Variants in LRCH3 observed in about 807,000 individuals in gnomAD.
LRCH3 encodes DISP complex protein LRCH3.
In LRCH3, 68 loss-of-function variants were observed where a neutral mutation model predicts 104.5. That is an observed-to-expected ratio of 0.65 (90% CI 0.54 to 0.80). The LOEUF (loss-of-function observed/expected upper bound fraction) is 0.80, where lower values mean the gene tolerates loss of function less well. Among genes scored for constraint, LRCH3 ranks in the 30% least tolerant of loss-of-function variants. The pLI, the probability that LRCH3 is intolerant of heterozygous loss-of-function variation, is 0.00. For synonymous variants in LRCH3, 344 were observed against 361.3 expected (o/e 0.95, Z 0.54); for missense variants, 951 against 953.9 (o/e 1.00, Z 0.04).
intron 3 of LRCH3, among the ~76,000 whole-genome samples, chr3:197,818,027 T>C (rs1580628841): frequency 6.6e-6 from 1 of 152,294 alleles, no homozygotes; most frequent in South Asian, 2.1e-4. Flanking sequence ...TTCACCGTGT[T>C]AGCCAGGATA....
intron 19 of LRCH3, 145 bp downstream of exon 19, chr3:197,871,607 C>T (rs1005948432): frequency 2.0e-5 from 22 of 1,089,612 alleles, no homozygotes; most frequent in Admixed American, 1.9e-4. Flanking sequence ...CACTTCTACT[C>T]GAGAAGAAAT....
At chr3:197,837,729 A>G (rs1480233994) in intron 9 of LRCH3, among the ~76,000 whole-genome samples, 1 of 151,974 alleles carries the variant, frequency 6.6e-6, no homozygotes, top group Non-Finnish European at 1.5e-5. Flanking sequence ...TCTTAGAATA[A>G]TTTTAGATAA....
chr3:197,791,304 T>C lies in LRCH3; in HGVS notation c.26T>C (p.Val9Ala). The C allele has an allele frequency of 1.2e-6, 2 of 1,608,706 alleles. No homozygotes were observed. Reference protein sequence around the residue: MAAAGLVAVAAAAEYSGTV... With the variant: MAAAGLVAAAAAAEYSGTV... Reference sequence around the variant, plus strand: ...ATGGCGGCCGCGGGCTTGGTCGCTGTGGCAGCGGCTGCCGAGTACTCTGGC... The same window carrying C: ...ATGGCGGCCGCGGGCTTGGTCGCTGCGGCAGCGGCTGCCGAGTACTCTGGC... Residue 9 changes from valine (V) to alanine (A), a missense_variant, in exon 1 of 21, where the codon GTG becomes GCG. Coordinates refer to ENST00000425562, the MANE Select transcript of LRCH3 (RefSeq NM_001365715.1).
At chr3:197,848,766 G>C (rs1490724858) in intron 12 of LRCH3, among the ~76,000 whole-genome samples, 1 of 152,106 alleles carries the variant, frequency 6.6e-6, no homozygotes. Flanking sequence ...AATTTTTCTT[G>C]TCCACTAAAG....
intron 4 of LRCH3, among the ~76,000 whole-genome samples, chr3:197,822,329 C>A (rs9812851): frequency 0.01 from 1,582 of 152,152 alleles, 14 homozygotes; most frequent in African/African-American, 0.036. Context: ...CCAAATTTCT[C>A]CCTAGGGTTA....
rs187129701 is a variant in LRCH3, at chr3:197,832,000, G to A, written c.982-197G>A. ...TGGAATCCTGTCTCATTGCAGCCTCGAACTCCTGGGCTGAAGCGATCGTCT... is the reference window on the plus strand; with the variant it reads ...TGGAATCCTGTCTCATTGCAGCCTCAAACTCCTGGGCTGAAGCGATCGTCT... On this transcript the variant is annotated intron_variant, in intron 7 of 20. Transcript: ENST00000425562. Among the ~76,000 whole-genome samples the A allele has an allele frequency of 1.3e-3, 203 of 152,132 alleles. 1 individual carries two copies. Among genetic ancestry groups the A allele is most frequent in the African/African-American group, 4.5e-3 (186 of 41,498 alleles).
chr3:197,810,372 C>T lies in LRCH3; in HGVS notation c.263-4536C>T, dbSNP rs533139898. Among the ~76,000 whole-genome samples, 3 of 152,134 alleles carry T rather than the reference C, an allele frequency of 2.0e-5. No individual in the cohort carries two copies. The highest frequency in any genetic ancestry group is 1.9e-4 in the East Asian group (1 of 5,172). On this transcript the variant is annotated intron_variant, in intron 1 of 20. Transcript: ENST00000425562. This position sits in a 1 kb window ranked among gnomAD's most constrained non-coding sequence, Gnocchi z 4.0. ...TTCACCATGTTGGCCAGGCTGGTCT[C>T]GAACTGCTGACCTTAGGTGATTCAC...
chr3:197,831,275 G>A (rs1029379521), intron 7 of LRCH3: 1 of 153,656 alleles, frequency 6.5e-6, no homozygotes, highest in African/African-American at 2.4e-5. Flanking sequence ...TAACTTCCTG[G>A]CTAATTCTGT....
rs1378193831 is a variant in LRCH3 at position 197,795,683 on chromosome 3, G to GT, written c.262+4145dup. Among the ~76,000 whole-genome samples the GT allele has an allele frequency of 7.7e-3, 712 of 92,038 alleles. 17 individuals are homozygous for GT. The highest frequency in any genetic ancestry group is 0.023 in the African/African-American group (511 of 22,162). The allele number at this position is 92,038 out of a possible 152,430, so 60.4% of individuals were successfully genotyped here. A position where few individuals can be genotyped will look rare whatever the true frequency, so the allele number is the denominator to read the frequency against. The stretch of plus-strand genomic sequence containing the variant: ...TCTGCTTAAGGTGAGTAAAAAAGTT[G>GT]TTGTTTTTTTTTTTTTTTTTTTTTT... On this transcript the variant is annotated intron_variant, in intron 1 of 20. Transcript: ENST00000425562.
chr3:197,870,137 C>G, intron 17 of LRCH3, 23 bp from the exon 18 acceptor site: 1 of 1,608,044 alleles, frequency 6.2e-7, no homozygotes, highest in Non-Finnish European at 8.5e-7. Flanking sequence ...GCCTTTCTGT[C>G]TTACATATTA....
intron 5 of LRCH3, among the ~76,000 whole-genome samples, chr3:197,828,441 G>A (rs564457864): frequency 2.0e-5 from 3 of 151,966 alleles, no homozygotes; most frequent in Non-Finnish European, 1.5e-5. Flanking sequence ...CGCCTCCCGG[G>A]TTCACACTAT....
rs565340497 is a variant in LRCH3 at position 197,832,137 on chromosome 3, C to T, written c.982-60C>T. ...TTGGTCTCCCAAAGCGCATGGATTACAGGCATGATCTGCCAGGCTCTAAAA... is the reference window on the plus strand; with the variant it reads ...TTGGTCTCCCAAAGCGCATGGATTATAGGCATGATCTGCCAGGCTCTAAAA... On this transcript the variant is annotated intron_variant, in intron 7 of 20. Coordinates refer to ENST00000425562, the MANE Select transcript of LRCH3 (RefSeq NM_001365715.1). The T allele has an allele frequency of 5.0e-5, 78 of 1,549,064 alleles. 1 individual carries two copies. The highest frequency in any genetic ancestry group is 1.9e-4 in the African/African-American group (14 of 73,150).
chr3:197,852,558 CAGCAAAA>C lies in LRCH3; in HGVS notation c.1533_1539del (p.Gln511HisfsTer12). On this transcript the variant is annotated splice_acceptor_variant and coding_sequence_variant, in exon 13 of 21. Transcript: ENST00000425562. LOFTEE classifies it high-confidence loss of function. ...TTTTTTGGGGGGTTTTGGGATTATACAGCAAAAAGCATCACAAAGTCCACAAAAACAG... is the reference window on the plus strand; with the variant it reads ...TTTTTTGGGGGGTTTTGGGATTATACAGCATCACAAAGTCCACAAAAACAG... 6.2e-7 allele frequency: 1 copy of C among 1,613,912 alleles called. No individual in the cohort carries two copies. Among genetic ancestry groups the C allele is most frequent in the East Asian group, 2.2e-5 (1 of 44,870 alleles).
intron 19 of LRCH3, among the ~76,000 whole-genome samples, chr3:197,872,578 T>C (rs781378169): frequency 1.3e-5 from 2 of 152,000 alleles, no homozygotes; most frequent in Non-Finnish European, 2.9e-5. Flanking sequence ...GAAAAGAGAC[T>C]GGGTGCACTG....
chr3:197,861,886 G>GATT (rs1740927856), intron 15 of LRCH3, among the ~76,000 whole-genome samples: 1 of 152,104 alleles, frequency 6.6e-6, no homozygotes. Context: ...AAGTCACTTA[G>GATT]ATTTATAGCT....
At chr3:197,798,748 T>C (rs1001597590) in intron 1 of LRCH3, among the ~76,000 whole-genome samples, 2 of 152,232 alleles carry the variant, frequency 1.3e-5, no homozygotes, top group African/African-American at 2.4e-5. Flanking sequence ...TTTATGTCTA[T>C]TTTGTAACAG....
chr3:197,791,453 A>G lies in LRCH3; in HGVS notation c.175A>G (p.Thr59Ala). The G allele has an allele frequency of 1.3e-6, 2 of 1,599,166 alleles. No homozygotes were observed. Among genetic ancestry groups the G allele is most frequent in the Non-Finnish European group, 1.7e-6 (2 of 1,174,234 alleles). The change falls in exon 1 of 21, where the codon ACT becomes GCT. Residue 59 changes from threonine (T) to alanine (A), a missense_variant. Coordinates refer to ENST00000425562, the MANE Select transcript of LRCH3 (RefSeq NM_001365715.1). ...TCGAGCCCTGGAGGAGGCGGCGGTC[A>G]CTGGGGTGCTGAGCCTGAGCGGCCG... ...LDRALEEAAV[T>A]GVLSLSGRKL...
In LRCH3 at chr3:197,871,359, G is replaced by A. The variant is rs911179375; in HGVS notation, c.2027G>A (p.Cys676Tyr). ...TACCGGTTGAAAGTGTCTCTACCTT[G>A]TGATCTCGGAGCAGCTCTAACTGAC... ...IEYRLKVSLP[C>Y]DLGAALTDGV... Residue 676 changes from cysteine (C) to tyrosine (Y), a missense_variant, in exon 19 of 21, where the codon TGT becomes TAT. Transcript: ENST00000425562. The A allele has an allele frequency of 1.9e-6, 3 of 1,613,548 alleles. No homozygotes were observed. The highest frequency in any genetic ancestry group is 1.3e-5 in the African/African-American group (1 of 74,802).
chr3:197,882,567 A>G (rs1437795775), intron 20 of LRCH3: 3 of 957,852 alleles, frequency 3.1e-6, no homozygotes, highest in African/African-American at 1.8e-5. Context: ...TTTAACAAAC[A>G]TATATAATCT....
Sources: allele counts gnomAD v4.1 joint callset (sites outside exome capture counted in the v4.1 genomes callset), GRCh38; gene constraint gnomAD v4.1.1; non-coding constraint Gnocchi (gnomAD v3.1); transcripts MANE v1.5; gene names NCBI Gene and HGNC (gene_info 2026-07-23, HGNC 2026-07-21).